The following NAV3 variants were observed in gnomAD, a reference collection of about 807,000 sequenced individuals.
The protein encoded by NAV3 is pore membrane and/or filament interacting like protein 1.
In NAV3, 87 loss-of-function variants were observed where a neutral mutation model predicts 244.7. That is an observed-to-expected ratio of 0.36 (90% confidence interval 0.30 to 0.42). NAV3 has a LOEUF of 0.42. Ranked by LOEUF, NAV3 falls within the 20% of genes least tolerant of loss-of-function variation. The probability of loss-of-function intolerance (pLI) is 1.00; values close to 1 mark genes in which losing one functional copy is unlikely to be tolerated. For synonymous variants in NAV3, 1,126 were observed against 1,042.2 expected (o/e 1.08, Z -1.55); for missense variants, 2,663 against 2,893.3 (o/e 0.92, Z 1.83).
At chr12:77,700,263 G>C (rs759885917) in intron 2 of NAV3, among the ~76,000 whole-genome samples, 1 of 152,114 alleles carries the variant, frequency 6.6e-6, no homozygotes. Context: ...AAATGACCTT[G>C]GAGTTGGAAG....
intron 38 of NAV3, among the ~76,000 whole-genome samples, chr12:78,204,030 T>G (rs1960022566): frequency 6.6e-6 from 1 of 152,128 alleles, no homozygotes; most frequent in African/African-American, 2.4e-5. Flanking sequence ...ATAAGGGTTC[T>G]TGCAAAGTTG....
chr12:77,877,595 T>G (rs75427550), intron 1 of NAV3, among the ~76,000 whole-genome samples: 1 of 152,150 alleles, frequency 6.6e-6, no homozygotes, highest in African/African-American at 2.4e-5. Context: ...AGAAACTGGC[T>G]GGTGTCAAGT....
Position 77,869,861 on chromosome 12 carries a change from A to C in NAV3, c.243+38157A>C, listed in dbSNP as rs146606939. ...CACTAGTGTATTTCTAATGTGTAAC[A>C]CATACAAGGCATGCAATAACTATGT... On this transcript the variant is annotated intron_variant, in intron 1 of 39. Transcript: ENST00000397909. Among the ~76,000 whole-genome samples the C allele has an allele frequency of 5.4e-3, 826 of 152,322 alleles. 25 individuals are homozygous for C. Among genetic ancestry groups the C allele is most frequent in the Admixed American group, 0.049 (749 of 15,286 alleles).
chr12:77,732,942 G>C (rs1380851186), intron 2 of NAV3, among the ~76,000 whole-genome samples: 3 of 152,058 alleles, frequency 2.0e-5, no homozygotes, highest in African/African-American at 7.2e-5. Context: ...TGGAGGAAGA[G>C]TGTGAAGACA....
chr12:77,989,214 G>A (rs892327055), intron 5 of NAV3, among the ~76,000 whole-genome samples: 8 of 152,070 alleles, frequency 5.3e-5, no homozygotes, highest in Non-Finnish European at 1.2e-4. Context: ...CTTTTCAGGT[G>A]AAAAGACAAA....
intron 9 of NAV3, chr12:78,036,890 G>A (rs748787610): frequency 1.7e-5 from 12 of 701,688 alleles, no homozygotes; most frequent in Non-Finnish European, 3.1e-5. Flanking sequence ...AACTCTCTGT[G>A]TTCCGGAGCA....
upstream of NAV3, among the ~76,000 whole-genome samples, chr12:77,826,200 C>T (rs893301019): frequency 6.6e-6 from 1 of 152,114 alleles, no homozygotes; most frequent in Non-Finnish European, 1.5e-5. Flanking sequence ...TAAATATCAA[C>T]ATAAGACAGA....
chr12:78,133,314 A>T (rs1267910335), intron 18 of NAV3, among the ~76,000 whole-genome samples: 3 of 151,966 alleles, frequency 2.0e-5, no homozygotes, highest in Non-Finnish European at 1.5e-5. Flanking sequence ...TTTACAGTTC[A>T]CCTGAACCTC....
At chr12:77,925,683 G>A (rs1186091699) in intron 1 of NAV3, among the ~76,000 whole-genome samples, 1 of 152,134 alleles carries the variant, frequency 6.6e-6, no homozygotes, top group Non-Finnish European at 1.5e-5. Flanking sequence ...TTAGCCGATG[G>A]TCTTGCAGGT....
At chr12:77,930,459 C>T (rs1002807832) in intron 1 of NAV3, among the ~76,000 whole-genome samples, 1 of 151,064 alleles carries the variant, frequency 6.6e-6, no homozygotes, top group African/African-American at 2.4e-5. Context: ...TAACAGTTTC[C>T]AACAGATCTG....
intron 3 of NAV3, among the ~76,000 whole-genome samples, chr12:77,961,557 AT>A (rs1891994920): frequency 8.0e-5 from 11 of 138,296 alleles, no homozygotes; most frequent in African/African-American, 1.6e-4. Context: ...TGTAATATAT[AT>A]TATTAAAGTA....
At chr12:77,654,706 C>G (rs1873001680) in intron 2 of NAV3, among the ~76,000 whole-genome samples, 1 of 152,252 alleles carries the variant, frequency 6.6e-6, no homozygotes, top group Non-Finnish European at 1.5e-5. Flanking sequence ...GAGGAACCCC[C>G]CAGTAGGGGC....
intron 3 of NAV3, among the ~76,000 whole-genome samples, chr12:77,962,588 C>G (rs141298067): frequency 4.2e-4 from 64 of 152,236 alleles, no homozygotes; most frequent in Admixed American, 9.2e-4. Flanking sequence ...CTTCACTAAC[C>G]TTGTTGCTAC....
chr12:77,802,785 C>A (rs536990222), intron 2 of NAV3, among the ~76,000 whole-genome samples: 1 of 152,210 alleles, frequency 6.6e-6, no homozygotes, highest in Non-Finnish European at 1.5e-5. Flanking sequence ...GCCTCAGCCT[C>A]CCAAGTAGCT....
intron 21 of NAV3, among the ~76,000 whole-genome samples, chr12:78,146,824 TG>T (rs1956882683): frequency 6.6e-6 from 1 of 152,150 alleles, no homozygotes; most frequent in Non-Finnish European, 1.5e-5. Flanking sequence ...GTCATTATCT[TG>T]TTGCCTCTAA....
intron 2 of NAV3, among the ~76,000 whole-genome samples, chr12:77,589,248 C>T (rs1869788160): frequency 6.6e-6 from 1 of 152,166 alleles, no homozygotes; most frequent in South Asian, 2.1e-4. Flanking sequence ...GAGTTAATCA[C>T]ATTGAACCTC....
intron 2 of NAV3, among the ~76,000 whole-genome samples, chr12:77,685,899 G>A (rs183277722): frequency 1.9e-4 from 29 of 152,240 alleles, no homozygotes; most frequent in Non-Finnish European, 2.9e-4. Flanking sequence ...TAGAAATTTT[G>A]ACAAAGCATT....
intron 12 of NAV3, among the ~76,000 whole-genome samples, chr12:78,092,237 A>C (rs1469442519): frequency 6.6e-6 from 1 of 152,162 alleles, no homozygotes; most frequent in Non-Finnish European, 1.5e-5. Context: ...TAAATCTATG[A>C]ATGACATATT....
intron 1 of NAV3, among the ~76,000 whole-genome samples, chr12:77,835,402 G>T (rs1479715916): frequency 1.3e-5 from 2 of 152,120 alleles, no homozygotes; most frequent in Admixed American, 6.5e-5. Flanking sequence ...GCTAGTCCTT[G>T]TACCAAACAG....
Sources: gnomAD v4.1 joint callset for allele counts (sites outside exome capture counted in the v4.1 genomes callset) on GRCh38, gnomAD v4.1.1 for gene constraint, MANE v1.5 for transcripts, NCBI Gene and HGNC (gene_info 2026-07-23, HGNC 2026-07-21) for gene names.